Variants in ITGA6 observed in about 807,000 individuals in gnomAD.
ITGA6 encodes the protein integrin alpha-6.
In ITGA6, 63 loss-of-function variants were observed where a neutral mutation model predicts 133.6. That is an observed-to-expected ratio of 0.47 (90% CI 0.38 to 0.58). The LOEUF (loss-of-function observed/expected upper bound fraction) is 0.58, where lower values mean the gene tolerates loss of function less well. Ranked by LOEUF, ITGA6 falls within the 20% of genes least tolerant of loss-of-function variation. The pLI, the probability that ITGA6 is intolerant of heterozygous loss-of-function variation, is 0.00. For synonymous variants in ITGA6, 434 were observed against 482.0 expected (o/e 0.90, Z 1.30); for missense variants, 1,068 against 1,309.4 (o/e 0.82, Z 2.85).
At chr2:172,489,297 T>G (rs967068933) in intron 19 of ITGA6, among the ~76,000 whole-genome samples, 188 bp from the exon 20 acceptor site, 5 of 152,232 alleles carry the variant, frequency 3.3e-5, no homozygotes, top group African/African-American at 1.2e-4. Context: ...TTTTTGTTTT[T>G]ATTTACAAAA....
In ITGA6 at chr2:172,479,984, A is replaced by C; in HGVS notation, c.1488-6A>C. Reference sequence around the variant, plus strand: ...TTTTAAGAAATATGTGTTTGATTTTATTCAGCCTCCAGGTTAAATCCTGTT... The same window carrying C: ...TTTTAAGAAATATGTGTTTGATTTTCTTCAGCCTCCAGGTTAAATCCTGTT... On this transcript the variant is annotated splice_polypyrimidine_tract_variant and splice_region_variant and intron_variant, in intron 10 of 25. Transcript: ENST00000684293. The C allele has an allele frequency of 6.3e-7, 1 of 1,585,078 alleles. No individual in the cohort carries two copies. The highest frequency in any genetic ancestry group is 1.7e-4 in the Middle Eastern group (1 of 6,012).
At chr2:172,435,628 T>TC (rs1684287652) in intron 1 of ITGA6, among the ~76,000 whole-genome samples, 2 of 138,622 alleles carry the variant, frequency 1.4e-5, no homozygotes, top group South Asian at 5.3e-4. Flanking sequence ...TTTTTTTTTT[T>TC]TTTTTTTTTT....
chr2:172,468,118 A>C (rs1255708269), intron 3 of ITGA6, among the ~76,000 whole-genome samples: 2 of 152,256 alleles, frequency 1.3e-5, no homozygotes, highest in Non-Finnish European at 2.9e-5. Context: ...AGATGGTATT[A>C]AAAACAAAAC....
At chr2:172,475,406 T>A (rs532731018) in intron 7 of ITGA6, among the ~76,000 whole-genome samples, 191 bp from the exon 8 acceptor site, 2 of 152,078 alleles carry the variant, frequency 1.3e-5, no homozygotes, top group South Asian at 4.2e-4. Context: ...GTGGTTGCGG[T>A]GAGCCAAGAT....
At chr2:172,465,059 A>T (rs1181570766) in intron 1 of ITGA6, 2 of 194,822 alleles carry the variant, frequency 1.0e-5, no homozygotes, top group Non-Finnish European at 2.2e-5. Context: ...AATCTAAGAT[A>T]TAGTCAGAAT....
intron 1 of ITGA6, among the ~76,000 whole-genome samples, chr2:172,431,779 A>G (rs1367462560): frequency 6.6e-6 from 1 of 152,254 alleles, no homozygotes; most frequent in Non-Finnish European, 1.5e-5. Flanking sequence ...GCAAGAAAGC[A>G]GAAATAGGCA....
At chr2:172,473,051 G>C (rs1686015374) in intron 5 of ITGA6, among the ~76,000 whole-genome samples, 1 of 152,138 alleles carries the variant, frequency 6.6e-6, no homozygotes, top group Non-Finnish European at 1.5e-5. Context: ...CCAGATGGTT[G>C]TAAGAGCTGG....
At chr2:172,483,277 G>A (rs1686529182) in intron 11 of ITGA6, among the ~76,000 whole-genome samples, 1 of 152,138 alleles carries the variant, frequency 6.6e-6, no homozygotes, top group Admixed American at 6.5e-5. Context: ...AGTGAGACCT[G>A]GGCATCTAAG....
At chr2:172,475,199 G>A in intron 7 of ITGA6, 77 bp downstream of exon 7, 2 of 1,018,008 alleles carry the variant, frequency 2.0e-6, no homozygotes, top group Non-Finnish European at 3.1e-6. Context: ...TGGGCACAGT[G>A]GCTCACGCCT....
chr2:172,446,291 T>C (rs1281840127), intron 1 of ITGA6, among the ~76,000 whole-genome samples: 1 of 152,244 alleles, frequency 6.6e-6, no homozygotes, highest in East Asian at 1.9e-4. Flanking sequence ...AAATATTTTA[T>C]TGAAAAATGA....
intron 1 of ITGA6, among the ~76,000 whole-genome samples, chr2:172,462,983 T>C (rs1306614156): frequency 1.3e-5 from 2 of 152,198 alleles, no homozygotes; most frequent in Non-Finnish European, 2.9e-5. Context: ...CGCTGTCATC[T>C]CTTAGTGACA....
chr2:172,486,963 A>G, intron 13 of ITGA6, 60 bp from the exon 14 acceptor site: 1 of 891,158 alleles, frequency 1.1e-6, no homozygotes, highest in Non-Finnish European at 1.9e-6. Context: ...AGTCACCTAC[A>G]TCGATGCCTT....
At chr2:172,478,105 G>A (rs776120584) in intron 9 of ITGA6, among the ~76,000 whole-genome samples, 8 of 152,174 alleles carry the variant, frequency 5.3e-5, no homozygotes, top group Non-Finnish European at 8.8e-5. Flanking sequence ...TGTGGCAACT[G>A]TGCCTTTTAA....
At chr2:172,462,322 T>C (rs549194614) in intron 1 of ITGA6, among the ~76,000 whole-genome samples, 1 of 152,266 alleles carries the variant, frequency 6.6e-6, no homozygotes, top group Admixed American at 6.5e-5. Context: ...TGGGACCACC[T>C]GAGGTGGAGG....
At chr2:172,466,890 T>C (rs1022314978) in intron 2 of ITGA6, among the ~76,000 whole-genome samples, 5 of 152,216 alleles carry the variant, frequency 3.3e-5, no homozygotes, top group Admixed American at 6.5e-5. Flanking sequence ...AAATTGATAC[T>C]GAAATGAGCA....
rs539179660 is a variant in ITGA6 at position 172,499,329 on chromosome 2, A to AAT, written c.3114+1233_3114+1234dup. 1.9e-3 allele frequency among the ~76,000 whole-genome samples: 294 copies of AAT among 152,044 alleles called. 2 individuals are homozygous for AAT. The highest frequency in any genetic ancestry group is 6.9e-3 in the African/African-American group (285 of 41,376). On this transcript the variant is annotated intron_variant, in intron 24 of 25. Transcript: ENST00000684293. The stretch of plus-strand genomic sequence containing the variant: ...GTTCCTCTGGCACACACAGCCAGTC[A>AAT]ATATAAAACATTTTTTCAAGGAGAT...
intron 9 of ITGA6, 118 bp from the exon 10 acceptor site, chr2:172,479,523 T>C: frequency 1.2e-6 from 1 of 837,390 alleles, no homozygotes; most frequent in Non-Finnish European, 2.1e-6. Context: ...TCACGTGTAT[T>C]TTTTTTCCTG....
intron 4 of ITGA6, 99 bp downstream of exon 4, chr2:172,469,479 A>G (rs886937593): frequency 1.1e-5 from 12 of 1,107,346 alleles, no homozygotes; most frequent in African/African-American, 6.4e-5. Flanking sequence ...AGACATTCGT[A>G]TATTATAAAA....
rs899822583 is a variant in ITGA6 at position 172,485,199 on chromosome 2, G to A, written c.1789G>A (p.Val597Met). ...CCAAGAGCCAAGCTCTCGTAGGCGA[G>A]TGAATTCACTTCCAGAAGTTCTTCC... ...EIQEPSSRRR[V>M]NSLPEVLPIL... is the part of the protein sequence containing the mutation. The change falls in exon 13 of 26, where the codon GTG (valine) becomes ATG (methionine). Residue 597 changes from valine (V) to methionine (M), a missense_variant. Physicochemically the swap from Val to Met is conservative, Grantham distance 21. Transcript: ENST00000684293. The A allele has an allele frequency of 6.2e-7, 1 of 1,613,930 alleles. No individual in the cohort carries two copies. The highest frequency in any genetic ancestry group is 1.7e-5 in the Admixed American group (1 of 60,024).
Sources: gnomAD v4.1 joint callset for allele counts (sites outside exome capture counted in the v4.1 genomes callset) on GRCh38, gnomAD v4.1.1 for gene constraint, MANE v1.5 for transcripts, NCBI Gene and HGNC (gene_info 2026-07-23, HGNC 2026-07-21) for gene names.